The following SEL1L variants were observed in gnomAD, a reference collection of about 807,000 sequenced individuals.
The protein encoded by SEL1L is SEL1L adaptor subunit of SYVN1 ubiquitin ligase.
Under a neutral mutation model 109.8 loss-of-function variants are expected in SEL1L, and 52 were observed. The observed-to-expected ratio is 0.47, with a 90% CI of 0.38 to 0.60. The LOEUF (loss-of-function observed/expected upper bound fraction) is 0.60. Ranked by LOEUF, SEL1L falls within the 20% of genes least tolerant of loss-of-function variation. SEL1L has a pLI of 0.00. For synonymous variants in SEL1L, 373 were observed against 339.6 expected, an observed-to-expected ratio of 1.10 and a Z score of -1.08; for missense variants, 749 against 962.2, an observed-to-expected ratio of 0.78 and a Z score of 2.93.
chr14:81,483,622 T>C (rs1903426562), intron 19 of SEL1L, among the ~76,000 whole-genome samples: 3 of 152,342 alleles, frequency 2.0e-5, no homozygotes, highest in Admixed American at 2.0e-4. Flanking sequence ...GGGTATTAAA[T>C]TATTGTTATT....
rs1903179296 is a variant in SEL1L, at chr14:81,476,975, C to T, written c.2382G>A (p.Gln794=). 1 of 1,614,164 alleles carries T rather than the reference C, an allele frequency of 6.2e-7. No individual in the cohort carries two copies. Residue 794 remains glutamine (Q), a synonymous_variant, in exon 21 of 21, where the codon CAG becomes CAA. Coordinates refer to ENST00000336735, the MANE Select transcript of SEL1L (RefSeq NM_005065.6). Reference sequence around the variant, plus strand: ...TCAAGGCTGGACCCAGTGCCTATTACTGTGGTGGCTGCTGCTCTGGTGGCC... The same window carrying T: ...TCAAGGCTGGACCCAGTGCCTATTATTGTGGTGGCTGCTGCTCTGGTGGCC... ...QEGPPEQQPP[Q] is the part of the protein sequence containing the mutation.
intron 3 of SEL1L, among the ~76,000 whole-genome samples, chr14:81,516,755 C>A (rs1387119695): frequency 2.6e-5 from 4 of 152,236 alleles, no homozygotes; most frequent in African/African-American, 9.6e-5. Flanking sequence ...CTCTAACAAG[C>A]CTCCCTGGTA....
chr14:81,474,422 T>G lies in SEL1L; in HGVS notation c.*2550A>C, dbSNP rs984658367. 5 of 152,164 alleles carry G rather than the reference T, an allele frequency of 3.3e-5. No individual in the cohort carries two copies. The highest frequency in any genetic ancestry group is 7.2e-5 in the African/African-American group (3 of 41,446). The allele number at this position is 152,164 out of a possible 1,614,324, so 9.4% of individuals were successfully genotyped here. A position where few individuals can be genotyped will look rare whatever the true frequency, so the allele number is the denominator to read the frequency against. ...AGACTAGAAAAGGTCTTAGGAGAGA[T>G]GGGCTACCATGGACAAATGAAGCCA... On this transcript the variant is annotated 3_prime_UTR_variant, in exon 21 of 21. Transcript: ENST00000336735.
At position 81,533,833 on chromosome 14, in the gene SEL1L, C is replaced by T; in HGVS notation, c.-89G>A. 3 of 1,296,098 alleles carry T rather than the reference C, an allele frequency of 2.3e-6. No individual in the cohort carries two copies. Among genetic ancestry groups the T allele is most frequent in the South Asian group, 2.5e-5 (2 of 80,156 alleles). 80.3% of individuals were successfully genotyped at this position (1,296,098 alleles called of 1,614,324 possible). A position where few individuals can be genotyped will look rare whatever the true frequency, so the allele number is the denominator to read the frequency against. On this transcript the variant is annotated 5_prime_UTR_variant, in exon 1 of 21. Transcript: ENST00000336735. ...AGCCACCACCGCCGCCTCGCCGCTGCTCTTCCTGCTCTAGTCTCCTTCCTC... is the reference window on the plus strand; with the variant it reads ...AGCCACCACCGCCGCCTCGCCGCTGTTCTTCCTGCTCTAGTCTCCTTCCTC...
In SEL1L at chr14:81,506,546, A is replaced by G. The variant is rs1259106171; in HGVS notation, c.341-305T>C. ...CTCCTGCCCAAAAAGTAAGCAAAAA[A>G]TAAGGCAAAATGCAAGTGAATCAAT... On this transcript the variant is annotated intron_variant, in intron 3 of 20. Coordinates refer to ENST00000336735, the MANE Select transcript of SEL1L (RefSeq NM_005065.6). 2.0e-5 allele frequency among the ~76,000 whole-genome samples: 3 copies of G among 152,188 alleles called. No individual in the cohort carries two copies. In the East Asian group the frequency reaches 5.8e-4, roughly 29 times the overall value.
In SEL1L at chr14:81,502,399, T is replaced by A. The variant is rs187872495; in HGVS notation, c.777+322A>T. On this transcript the variant is annotated intron_variant, in intron 6 of 20. Coordinates refer to ENST00000336735, the MANE Select transcript of SEL1L (RefSeq NM_005065.6). Reference sequence around the variant, plus strand: ...ACCAAGATTAACATGAGCTGCAACATCTGAACTTTGGAAAAATGCAATGGT... The same window carrying A: ...ACCAAGATTAACATGAGCTGCAACAACTGAACTTTGGAAAAATGCAATGGT... Among the ~76,000 whole-genome samples the A allele has an allele frequency of 2.2e-3, 330 of 152,312 alleles. 2 individuals carry two copies. In the Middle Eastern group the frequency reaches 0.037, roughly 17 times the overall value.
chr14:81,523,588 C>T (rs1327208915), intron 3 of SEL1L, among the ~76,000 whole-genome samples: 1 of 152,092 alleles, frequency 6.6e-6, no homozygotes, highest in African/African-American at 2.4e-5. Flanking sequence ...TAATTGAACC[C>T]AAGAAGGGGG....
At chr14:81,524,479 A>G (rs1295390754) in intron 3 of SEL1L, among the ~76,000 whole-genome samples, 21 of 152,238 alleles carry the variant, frequency 1.4e-4, no homozygotes, top group Admixed American at 1.3e-3. Flanking sequence ...AACAAGCTCA[A>G]TGACATTACA....
At chr14:81,485,585 C>A in intron 18 of SEL1L, 87 bp downstream of exon 18, 1 of 1,171,744 alleles carries the variant, frequency 8.5e-7, no homozygotes, top group South Asian at 1.3e-5. Flanking sequence ...AGCCACAGTA[C>A]TCGGCTTCAT....
chr14:81,472,521 C>T lies in SEL1L; in HGVS notation c.*4451G>A. On this transcript the variant is annotated 3_prime_UTR_variant, in exon 21 of 21. Coordinates refer to ENST00000336735, the MANE Select transcript of SEL1L (RefSeq NM_005065.6). ...TTTTTCATTTCTCCTTTACTCAGAG[C>T]ATATTTAGTCTAAATGTTACTGTGT... 2.5e-6 allele frequency: 1 copy of T among 406,102 alleles called. No individual in the cohort carries two copies. Among genetic ancestry groups the T allele is most frequent in the Non-Finnish European group, 4.7e-6 (1 of 211,166 alleles). 25.2% of individuals were successfully genotyped at this position (406,102 alleles called of 1,614,324 possible).
At chr14:81,500,266 C>T (rs1383000552) in intron 6 of SEL1L, among the ~76,000 whole-genome samples, 1 of 152,066 alleles carries the variant, frequency 6.6e-6, no homozygotes, top group East Asian at 1.9e-4. Flanking sequence ...CAGAGTCTTG[C>T]TCTGTCGCCT....
At chr14:81,527,840 T>C (rs113186162) in intron 1 of SEL1L, 102 bp from the exon 2 acceptor site, 48 of 715,722 alleles carry the variant, frequency 6.7e-5, no homozygotes, top group African/African-American at 2.6e-4. Flanking sequence ...TAATCAAACA[T>C]TGGATAAATA....
In SEL1L at chr14:81,478,191, A is replaced by G. The variant is rs148453850; in HGVS notation, c.2176-1010T>C. On this transcript the variant is annotated intron_variant, in intron 20 of 20. Coordinates refer to ENST00000336735, the MANE Select transcript of SEL1L (RefSeq NM_005065.6). ...ATAAAATTACATTTGAAAGATCTCT[A>G]TAACACGTTTGTAGGTACAGGTGCT... Among the ~76,000 whole-genome samples the G allele has an allele frequency of 2.3e-3, 348 of 152,332 alleles. 4 individuals are homozygous for G. The highest frequency in any genetic ancestry group is 0.02 in the Middle Eastern group (6 of 294).
At chr14:81,502,133 GA>G (rs1884038050) in intron 6 of SEL1L, among the ~76,000 whole-genome samples, 1 of 152,034 alleles carries the variant, frequency 6.6e-6, no homozygotes, top group Non-Finnish European at 1.5e-5. Context: ...AATGTGCTGG[GA>G]TGAAAAGGTG....
intron 18 of SEL1L, 78 bp downstream of exon 18, chr14:81,485,594 A>G: frequency 7.9e-7 from 1 of 1,259,192 alleles, no homozygotes. Flanking sequence ...ACTCGGCTTC[A>G]TGATTTAATG....
At chr14:81,518,691 T>C (rs1360252078) in intron 3 of SEL1L, among the ~76,000 whole-genome samples, 1 of 143,866 alleles carries the variant, frequency 7.0e-6, no homozygotes, top group Non-Finnish European at 1.5e-5. Flanking sequence ...GGTAAAAAGA[T>C]TAGAAAGGTT....
intron 10 of SEL1L, among the ~76,000 whole-genome samples, chr14:81,497,562 G>T (rs775691936): frequency 4.6e-5 from 7 of 152,132 alleles, no homozygotes; most frequent in Non-Finnish European, 8.8e-5. Context: ...TTCATCATTG[G>T]TGACTCCAGT....
chr14:81,472,564 G>C lies in SEL1L; in HGVS notation c.*4408C>G. On this transcript the variant is annotated 3_prime_UTR_variant, in exon 21 of 21. Coordinates refer to ENST00000336735, the MANE Select transcript of SEL1L (RefSeq NM_005065.6). ...TACTGTGTGGTACGTGTCTCTGCAA[G>C]TCCTCTTAAAAAATTCCTGGGACAA... The C allele has an allele frequency of 4.4e-6, 2 of 454,766 alleles. No homozygotes were observed. The highest frequency in any genetic ancestry group is 1.6e-5 in the South Asian group (1 of 62,716). 28.2% of individuals were successfully genotyped at this position (454,766 alleles called of 1,614,324 possible).
chr14:81,498,554 T>A, intron 8 of SEL1L, 60 bp from the exon 9 acceptor site: 1 of 1,302,324 alleles, frequency 7.7e-7, no homozygotes, highest in East Asian at 2.3e-5. Flanking sequence ...TCATTCTTCG[T>A]GGAACAAATA....
Sources: allele counts gnomAD v4.1 joint callset (sites outside exome capture counted in the v4.1 genomes callset), GRCh38; gene constraint gnomAD v4.1.1; transcripts MANE v1.5; gene names NCBI Gene and HGNC (gene_info 2026-07-23, HGNC 2026-07-21).